Variants in FAM83G observed in about 807,000 individuals in gnomAD.
FAM83G encodes protein FAM83G.
Under a neutral mutation model 61.5 loss-of-function variants are expected in FAM83G, and 38 were observed. The ratio of observed to expected loss-of-function variants is 0.62; its 90% CI spans 0.48 to 0.81. The LOEUF is 0.81. Ranked by LOEUF, FAM83G falls within the 30% of genes least tolerant of loss-of-function variation. The pLI, the probability that FAM83G is intolerant of heterozygous loss-of-function variation, is 0.00. For synonymous variants in FAM83G, 470 were observed against 476.1 expected, an observed-to-expected ratio of 0.99 and a Z score of 0.17; for missense variants, 989 against 1,133.6, an observed-to-expected ratio of 0.87 and a Z score of 1.83.
chr17:18,983,274 C>T (rs150920827), intron 3 of FAM83G, among the ~76,000 whole-genome samples: 2 of 152,264 alleles, frequency 1.3e-5, no homozygotes, highest in African/African-American at 4.8e-5. Context: ...CACACAACCC[C>T]GTGAGGCATC....
At chr17:18,979,348 G>T in intron 4 of FAM83G, 1 of 685,546 alleles carries the variant, frequency 1.5e-6, no homozygotes, top group Non-Finnish European at 2.4e-6. Context: ...TCTCCAAGCT[G>T]GAACAACAGC....
intron 2 of FAM83G, among the ~76,000 whole-genome samples, chr17:18,998,622 C>G (rs1195960689): frequency 6.6e-6 from 1 of 152,238 alleles, no homozygotes; most frequent in Non-Finnish European, 1.5e-5. Context: ...CGGGCAGGCA[C>G]TCTCTCCTTA....
intron 3 of FAM83G, among the ~76,000 whole-genome samples, chr17:18,987,449 T>C (rs8070758): frequency 0.24 from 36,361 of 152,134 alleles, 6,340 homozygotes; most frequent in African/African-American, 0.48. Flanking sequence ...CTCAGGGAAA[T>C]GCTCTGCACG....
chr17:18,978,863 G>A lies in FAM83G; in HGVS notation c.816-13C>T. 1 of 1,610,038 alleles carries A rather than the reference G, an allele frequency of 6.2e-7. No individual in the cohort carries two copies. Among genetic ancestry groups the A allele is most frequent in the Non-Finnish European group, 8.5e-7 (1 of 1,177,744 alleles). On this transcript the variant is annotated splice_polypyrimidine_tract_variant and intron_variant, in intron 4 of 5. Transcript: ENST00000388995. ...CGACCACGTGAAGCTGCAACAGAGG[G>A]AGGGGGCGCTGGTCAGGCACATGAC...
In FAM83G at chr17:18,970,895, G is replaced by A; in HGVS notation, c.*464C>T. On this transcript the variant is annotated 3_prime_UTR_variant, in exon 6 of 6. Coordinates refer to ENST00000388995, the MANE Select transcript of FAM83G (RefSeq NM_001039999.3). ...TCCAAACACTGGGAAAGATGAGGTG[G>A]AAAAAACTCAAGTTTGATGCATCAG... 1.1e-6 allele frequency: 1 copy of A among 924,616 alleles called. No individual in the cohort carries two copies. 57.3% of individuals were successfully genotyped at this position (924,616 alleles called of 1,614,324 possible).
Position 19,002,767 on chromosome 17 carries a change from T to C in FAM83G, c.522+753A>G, listed in dbSNP as rs1017595086. Among the ~76,000 whole-genome samples the C allele has an allele frequency of 8.5e-5, 13 of 152,308 alleles. No individual in the cohort carries two copies. The East Asian group carries it at 2.5e-3, about 29-fold the overall frequency. On this transcript the variant is annotated intron_variant, in intron 2 of 5. Coordinates refer to ENST00000388995, the MANE Select transcript of FAM83G (RefSeq NM_001039999.3). Reference sequence around the variant, plus strand: ...CCCCTTCTCAGAATGTGTGACGGTGTGTCAGCCAAGAATGGCCCCCCACAG... The same window carrying C: ...CCCCTTCTCAGAATGTGTGACGGTGCGTCAGCCAAGAATGGCCCCCCACAG...
chr17:18,985,034 G>A (rs915401057), intron 3 of FAM83G, among the ~76,000 whole-genome samples: 2 of 152,238 alleles, frequency 1.3e-5, no homozygotes, highest in Non-Finnish European at 2.9e-5. Context: ...TCGAGAGTGT[G>A]TTGGTGTGGG....
In FAM83G at chr17:19,003,940, C is replaced by T. The variant is rs758283958; in HGVS notation, c.102G>A (p.Ala34=). The T allele has an allele frequency of 6.2e-6, 10 of 1,612,788 alleles. No individual in the cohort carries two copies. The highest frequency in any genetic ancestry group is 8.5e-6 in the Non-Finnish European group (10 of 1,179,940). ...GGCCGCGGGCCACCAGGGCCTCCAG[C>T]GCCAGCCGCTGCTCCTCGCTGTAGA... The part of the protein sequence containing the change: ...EFFYSEEQRL[A]LEALVARGRD... Residue 34 remains alanine, a synonymous_variant, in exon 2 of 6, where the codon GCG becomes GCA. Coordinates refer to ENST00000388995, the MANE Select transcript of FAM83G (RefSeq NM_001039999.3). This position sits in a 1 kb window ranked among gnomAD's most constrained non-coding sequence, Gnocchi z 4.5.
intron 2 of FAM83G, among the ~76,000 whole-genome samples, chr17:18,994,068 A>G (rs1307190067): frequency 6.6e-6 from 1 of 152,208 alleles, no homozygotes; most frequent in African/African-American, 2.4e-5. Flanking sequence ...GCTGTAAGTG[A>G]CGCATCAGGG....
chr17:18,976,374 G>C (rs2042981279), intron 5 of FAM83G: 1 of 153,670 alleles, frequency 6.5e-6, no homozygotes. Context: ...CTCTGCTACT[G>C]AACTGCAAGC....
At chr17:18,981,881 G>A (rs2043143412) in intron 3 of FAM83G, among the ~76,000 whole-genome samples, 1 of 152,190 alleles carries the variant, frequency 6.6e-6, no homozygotes. Flanking sequence ...GCACGCTCGG[G>A]GTTGAGAAGT....
At position 19,003,104 on chromosome 17, in the gene FAM83G, C is replaced by G. The variant is rs1476342336; in HGVS notation, c.522+416G>C. ...CTTGGACCATGCCTATTCCCTCACC[C>G]CACAACAAAAGCTCTCCCCACCAGA... On this transcript the variant is annotated intron_variant, in intron 2 of 5. Coordinates refer to ENST00000388995, the MANE Select transcript of FAM83G (RefSeq NM_001039999.3). This position sits in a 1 kb window ranked among gnomAD's most constrained non-coding sequence, Gnocchi z 4.5. 3.9e-5 allele frequency among the ~76,000 whole-genome samples: 6 copies of G among 152,032 alleles called. No individual in the cohort carries two copies. Among genetic ancestry groups the G allele is most frequent in the Non-Finnish European group, 8.8e-5 (6 of 67,996 alleles).
In FAM83G at chr17:18,971,610, G is replaced by A. The variant is rs746792856; in HGVS notation, c.2221C>T (p.Pro741Ser). ...CCTCCCTTGGCCTGCCAGTGGTGGG[G>A]GCCAGCCATGGCTGGGCCAGCGTTT... ...TRNAGPAMAG[P>S]HHWQAKGGQV... The change falls in exon 6 of 6, where the codon CCC becomes TCC. Residue 741 changes from proline (P) to serine (S), a missense_variant. By Grantham distance (74) the Pro-to-Ser change is moderately conservative. Coordinates refer to ENST00000388995, the MANE Select transcript of FAM83G (RefSeq NM_001039999.3). This position sits in a 1 kb window ranked among gnomAD's most constrained non-coding sequence, Gnocchi z 5.5. 4 of 1,613,402 alleles carry A rather than the reference G, an allele frequency of 2.5e-6. No individual in the cohort carries two copies. Among genetic ancestry groups the A allele is most frequent in the Non-Finnish European group, 2.5e-6 (3 of 1,179,980 alleles).
chr17:19,003,382 A>G lies in FAM83G; in HGVS notation c.522+138T>C. On this transcript the variant is annotated intron_variant, in intron 2 of 5. Coordinates refer to ENST00000388995, the MANE Select transcript of FAM83G (RefSeq NM_001039999.3). The surrounding 1 kb of genome is among the most constrained non-coding windows in gnomAD (Gnocchi z 4.5). ...GAAGGTGGGGAGGAAACCTCCACCCAAGAGGCAGCCAGGGAAAACAGCAGA... is the reference window on the plus strand; with the variant it reads ...GAAGGTGGGGAGGAAACCTCCACCCGAGAGGCAGCCAGGGAAAACAGCAGA... 2.1e-6 allele frequency: 2 copies of G among 960,698 alleles called. No homozygotes were observed. The highest frequency in any genetic ancestry group is 2.8e-6 in the Non-Finnish European group (2 of 709,940). 59.5% of individuals were successfully genotyped at this position (960,698 alleles called of 1,614,324 possible).
chr17:18,987,089 G>A (rs2043288870), intron 3 of FAM83G, among the ~76,000 whole-genome samples: 1 of 152,188 alleles, frequency 6.6e-6, no homozygotes, highest in Admixed American at 6.5e-5. Context: ...GGGTGGGCGC[G>A]CCTGACAAAT....
chr17:18,995,612 A>T (rs1484963697), intron 2 of FAM83G, among the ~76,000 whole-genome samples: 2 of 152,234 alleles, frequency 1.3e-5, no homozygotes, highest in Non-Finnish European at 2.9e-5. Flanking sequence ...CATTTGATTA[A>T]AGACTAAATC....
chr17:19,005,120 T>C (rs1382137798), upstream of FAM83G, among the ~76,000 whole-genome samples: 1 of 151,994 alleles, frequency 6.6e-6, no homozygotes, highest in Non-Finnish European at 1.5e-5. Flanking sequence ...CGTGCGGCTG[T>C]ATAGATACCC....
At chr17:18,976,581 T>C in intron 5 of FAM83G, 2 of 428,230 alleles carry the variant, frequency 4.7e-6, no homozygotes, top group East Asian at 7.9e-5. Flanking sequence ...GGTGGTGGGC[T>C]GGGCAGGATC....
rs569259053 is a variant in FAM83G at position 18,971,516 on chromosome 17, T to C, written c.2315A>G (p.Asp772Gly). The change falls in exon 6 of 6, where the codon GAT (aspartate) becomes GGT (glycine). Residue 772 changes from aspartate (D) to glycine (G), a missense_variant. By Grantham distance (94) the Asp-to-Gly change is moderately conservative. Transcript: ENST00000388995. This position sits in a 1 kb window ranked among gnomAD's most constrained non-coding sequence, Gnocchi z 5.5. ...RLAQNARPMT[D>G]GRATEEHPSP... ...CGGATGCTCCTCGGTGGCCCTGCCA[T>C]CGGTCATGGGGCGGGCATTTTGGGC... The C allele has an allele frequency of 6.2e-6, 10 of 1,613,972 alleles. No individual in the cohort carries two copies. The highest frequency in any genetic ancestry group is 8.5e-6 in the Non-Finnish European group (10 of 1,180,008).
Sources: allele counts gnomAD v4.1 joint callset (sites outside exome capture counted in the v4.1 genomes callset), GRCh38; gene constraint gnomAD v4.1.1; non-coding constraint Gnocchi (gnomAD v3.1); transcripts MANE v1.5; gene names NCBI Gene and HGNC (gene_info 2026-07-23, HGNC 2026-07-21).